The following CADPS variants were observed in gnomAD, a reference collection of about 807,000 sequenced individuals.
CADPS encodes calcium dependent secretion activator, also known as calcium-dependent secretion activator 1.
CADPS carries 57 observed loss-of-function variants against 167.3 expected under a neutral mutation model. The ratio of observed to expected loss-of-function variants is 0.34; its 90% confidence interval spans 0.28 to 0.42. The LOEUF is 0.42. Among genes scored for constraint, CADPS ranks in the 20% least tolerant of loss-of-function variants. The pLI is 1.00. For synonymous variants in CADPS, 676 were observed against 635.3 expected (o/e 1.06, Z -0.96); for missense variants, 1,414 against 1,738.1 (o/e 0.81, Z 3.32).
intron 6 of CADPS, among the ~76,000 whole-genome samples, chr3:62,627,179 G>A (rs2064250352): frequency 1.3e-5 from 2 of 151,770 alleles, no homozygotes; most frequent in Middle Eastern, 3.4e-3. Flanking sequence ...GTTAACAGAA[G>A]AGCAAACATT....
intron 11 of CADPS, among the ~76,000 whole-genome samples, chr3:62,545,252 T>C (rs1407551925): frequency 1.3e-5 from 2 of 151,914 alleles, no homozygotes; most frequent in Non-Finnish European, 2.9e-5. Context: ...CCCACCCTAA[T>C]CCAAATGAGA....
At chr3:62,810,973 G>A (rs906735424) in intron 1 of CADPS, among the ~76,000 whole-genome samples, 5 of 152,238 alleles carry the variant, frequency 3.3e-5, no homozygotes, top group Admixed American at 6.5e-5. Context: ...ACTGGTACTG[G>A]TGGTGGGGAA....
intron 29 of CADPS, among the ~76,000 whole-genome samples, chr3:62,402,246 G>A (rs182404618): frequency 0.02 from 2,644 of 134,154 alleles, 182 homozygotes; most frequent in East Asian, 0.15. Flanking sequence ...GGGCGGGGGG[G>A]GGGGGTGCCC....
chr3:62,735,707 A>G (rs971482539), intron 3 of CADPS, among the ~76,000 whole-genome samples: 14 of 152,210 alleles, frequency 9.2e-5, no homozygotes, highest in African/African-American at 3.4e-4. Flanking sequence ...GGATCTGAGC[A>G]GAGGTGAGTG....
intron 5 of CADPS, among the ~76,000 whole-genome samples, chr3:62,649,515 A>G (rs1028491550): frequency 2.9e-5 from 3 of 104,516 alleles, no homozygotes; most frequent in African/African-American, 1.1e-4. Flanking sequence ...CGGACCTTTT[A>G]TATCAAGGGA....
chr3:62,671,137 G>A lies in CADPS; in HGVS notation c.889-8743C>T, dbSNP rs527658709. 2.0e-5 allele frequency among the ~76,000 whole-genome samples: 3 copies of A among 152,276 alleles called. No individual in the cohort carries two copies. The South Asian group carries it at 6.2e-4, about 32-fold the overall frequency. ...GTAACAATGCCAACAGCAGAGGCTT[G>A]TTATGAAAACGAAAGAAGATGGTAC... On this transcript the variant is annotated intron_variant, in intron 3 of 29. Transcript: ENST00000383710.
chr3:62,423,304 T>C (rs1334392315), intron 28 of CADPS, among the ~76,000 whole-genome samples: 2 of 152,224 alleles, frequency 1.3e-5, no homozygotes, highest in African/African-American at 2.4e-5. Flanking sequence ...TTAAGGGGTC[T>C]CTCTGATTAG....
intron 3 of CADPS, among the ~76,000 whole-genome samples, chr3:62,706,397 G>A (rs984127491): frequency 2.6e-5 from 4 of 151,940 alleles, no homozygotes; most frequent in Non-Finnish European, 4.4e-5. Context: ...TTTGCAGTAG[G>A]GCCCTTTACC....
At chr3:62,799,876 C>A (rs2093662558) in intron 1 of CADPS, among the ~76,000 whole-genome samples, 1 of 152,080 alleles carries the variant, frequency 6.6e-6, no homozygotes, top group Non-Finnish European at 1.5e-5. Flanking sequence ...TCTTGGCTGT[C>A]CTTTCAAGGA....
chr3:62,619,791 TCCTAATGAGAGGAGA>T (rs1202042803), intron 6 of CADPS, among the ~76,000 whole-genome samples: 1 of 152,200 alleles, frequency 6.6e-6, no homozygotes, highest in Non-Finnish European at 1.5e-5. Context: ...GTTACAGTTT[TCCTAATGAGAGGAGA>T]CATTCTGATA....
intron 8 of CADPS, among the ~76,000 whole-genome samples, chr3:62,583,366 A>G (rs1415188199): frequency 1.3e-5 from 2 of 152,176 alleles, no homozygotes; most frequent in Non-Finnish European, 2.9e-5. Flanking sequence ...GGGAAGACAT[A>G]TTAGGGAGAA....
At chr3:62,746,149 G>T (rs1199816506) in intron 3 of CADPS, among the ~76,000 whole-genome samples, 1 of 152,156 alleles carries the variant, frequency 6.6e-6, no homozygotes, top group African/African-American at 2.4e-5. Context: ...CCCTACTTTG[G>T]TCCCACCCTT....
intron 15 of CADPS, 124 bp from the exon 16 acceptor site, chr3:62,516,306 C>A: frequency 7.8e-7 from 1 of 1,281,676 alleles, no homozygotes; most frequent in Non-Finnish European, 1.1e-6. Flanking sequence ...GAGAGCCATG[C>A]TTAAAGAGAA....
At chr3:62,769,664 T>A (rs2088003007) in intron 1 of CADPS, among the ~76,000 whole-genome samples, 1 of 152,144 alleles carries the variant, frequency 6.6e-6, no homozygotes. Context: ...AGGTCGCTGT[T>A]TTCTCAGCAT....
At chr3:62,798,433 C>A (rs1028492729) in intron 1 of CADPS, among the ~76,000 whole-genome samples, 2 of 152,142 alleles carry the variant, frequency 1.3e-5, no homozygotes. Flanking sequence ...TGGGCTTACA[C>A]CAGTGAAGCC....
At position 62,725,177 on chromosome 3, in the gene CADPS, T is replaced by C. The variant is rs1268488758; in HGVS notation, c.888+28264A>G. Among the ~76,000 whole-genome samples, 3 of 91,964 alleles carry C rather than the reference T, an allele frequency of 3.3e-5. No individual in the cohort carries two copies. In the East Asian group the frequency reaches 6.9e-4, roughly 21 times the overall value. 60.3% of individuals were successfully genotyped at this position (91,964 alleles called of 152,430 possible). On this transcript the variant is annotated intron_variant, in intron 3 of 29. Transcript: ENST00000383710. Reference sequence around the variant, plus strand: ...CCTTTATCAAAAATCTAAAATCTAGTAGAACTGTCTCGAATGATGGGAATA... The same window carrying C: ...CCTTTATCAAAAATCTAAAATCTAGCAGAACTGTCTCGAATGATGGGAATA...
rs901664470 is a variant in CADPS, at chr3:62,412,990, G to A, written c.3778-9805C>T. 6.6e-6 allele frequency among the ~76,000 whole-genome samples: 1 copy of A among 152,052 alleles called. No individual in the cohort carries two copies. The highest frequency in any genetic ancestry group is 1.5e-5 in the Non-Finnish European group (1 of 68,008). On this transcript the variant is annotated intron_variant, in intron 28 of 29. Coordinates refer to ENST00000383710, the MANE Select transcript of CADPS (RefSeq NM_003716.4). The surrounding 1 kb of genome is among the most constrained non-coding windows in gnomAD (Gnocchi z 4.1). ...AATCCCACTTTTCAATATGGCGGGT[G>A]GTCATCAGTGAGGAGGTGTGATGGT...
chr3:62,622,469 C>T (rs1441273178), intron 6 of CADPS, among the ~76,000 whole-genome samples: 1 of 152,088 alleles, frequency 6.6e-6, no homozygotes, highest in Non-Finnish European at 1.5e-5. Flanking sequence ...ATTTTCCAGA[C>T]ATGGCAATTG....
chr3:62,856,920 T>A (rs1278691513), intron 1 of CADPS, among the ~76,000 whole-genome samples: 5 of 151,408 alleles, frequency 3.3e-5, no homozygotes, highest in Admixed American at 6.6e-5. Flanking sequence ...AGTTTTATAA[T>A]CTTTGGATAG....
Sources: allele counts gnomAD v4.1 joint callset (sites outside exome capture counted in the v4.1 genomes callset), GRCh38; gene constraint gnomAD v4.1.1; non-coding constraint Gnocchi (gnomAD v3.1); transcripts MANE v1.5; gene names NCBI Gene and HGNC (gene_info 2026-07-23, HGNC 2026-07-21).